MYCBP2: variants seen among roughly 807,000 people sequenced by gnomAD.
MYCBP2 encodes MYC binding protein 2.
A neutral mutation model predicts 525.3 loss-of-function variants in MYCBP2; 120 were observed. The observed-to-expected ratio is 0.23, with a 90% CI of 0.20 to 0.27. MYCBP2 has a LOEUF of 0.27. Ranked by LOEUF, MYCBP2 falls within the 10% of genes least tolerant of loss-of-function variation. The pLI is 1.00. For synonymous variants in MYCBP2, 1,894 were observed against 1,955.8 expected, an observed-to-expected ratio of 0.97 and a Z score of 0.83; for missense variants, 4,149 against 5,657.1, an observed-to-expected ratio of 0.73 and a Z score of 8.55.
intron 12 of MYCBP2, among the ~76,000 whole-genome samples, chr13:77,260,878 C>T (rs77548353): frequency 0.013 from 1,947 of 152,162 alleles, 37 homozygotes; most frequent in African/African-American, 0.044. Flanking sequence ...CCTGGAGGGC[C>T]CAATCTCTAA....
intron 37 of MYCBP2, among the ~76,000 whole-genome samples, chr13:77,172,984 A>G (rs1259231140): frequency 6.6e-6 from 1 of 152,182 alleles, no homozygotes; most frequent in Non-Finnish European, 1.5e-5. Flanking sequence ...TGTGAGGACA[A>G]GGTGAAATAA....
chr13:77,315,686 G>C (rs572773631), intron 1 of MYCBP2, among the ~76,000 whole-genome samples: 1 of 152,182 alleles, frequency 6.6e-6, no homozygotes, highest in African/African-American at 2.4e-5. Context: ...CCTGAGGTCA[G>C]CAGTTCAAGA....
At chr13:77,315,222 A>C (rs930280877) in intron 1 of MYCBP2, among the ~76,000 whole-genome samples, 1 of 152,224 alleles carries the variant, frequency 6.6e-6, no homozygotes, top group Admixed American at 6.5e-5. Flanking sequence ...TTCAAGAAGA[A>C]ATAACAACAA....
At chr13:77,279,356 T>C (rs1185698925) in intron 3 of MYCBP2, among the ~76,000 whole-genome samples, 1 of 152,168 alleles carries the variant, frequency 6.6e-6, no homozygotes, top group Admixed American at 6.5e-5. Context: ...GCTAAAAATA[T>C]CACTGGTACT....
intron 14 of MYCBP2, among the ~76,000 whole-genome samples, chr13:77,252,561 G>C (rs1352591285): frequency 2.6e-5 from 4 of 152,114 alleles, no homozygotes; most frequent in Admixed American, 6.6e-5. Context: ...TTTCCTAAAG[G>C]ATCTAAGTTA....
At chr13:77,161,079 C>T (rs1269409770) in intron 44 of MYCBP2, among the ~76,000 whole-genome samples, 1 of 152,180 alleles carries the variant, frequency 6.6e-6, no homozygotes. Flanking sequence ...CACTGATGTT[C>T]TCAGTGTGTG....
chr13:77,291,613 C>A (rs375661939), intron 2 of MYCBP2, among the ~76,000 whole-genome samples: 1 of 152,058 alleles, frequency 6.6e-6, no homozygotes, highest in Admixed American at 6.6e-5. Context: ...ACTAAAAATA[C>A]AAAATTAGCC....
chr13:77,152,559 CT>C (rs1429646000), intron 46 of MYCBP2, among the ~76,000 whole-genome samples: 1 of 152,156 alleles, frequency 6.6e-6, no homozygotes, highest in Non-Finnish European at 1.5e-5. Flanking sequence ...CCCTATGCCC[CT>C]ATAAATCCCA....
At chr13:77,276,421 G>A (rs1236297460) in intron 4 of MYCBP2, among the ~76,000 whole-genome samples, 2 of 152,010 alleles carry the variant, frequency 1.3e-5, no homozygotes, top group African/African-American at 2.4e-5. Flanking sequence ...AAGAAATTTA[G>A]TATAAAAGAA....
chr13:77,177,826 A>G lies in MYCBP2; in HGVS notation c.5262T>C (p.Pro1754=). 5.0e-6 allele frequency: 8 copies of G among 1,614,056 alleles called. No homozygotes were observed. The highest frequency in any genetic ancestry group is 6.8e-6 in the Non-Finnish European group (8 of 1,179,926). ...CAGAGAAACCAACCACAACTATTCC[A>G]GGTTTGTCTACTGAAAAACAGATTG... The part of the protein sequence containing the change: ...PDAICFSVDK[P]GIVVVGFSVY... Residue 1754 remains proline, a synonymous_variant, in exon 35 of 83, where the codon CCT becomes CCC. Coordinates refer to ENST00000544440, the MANE Select transcript of MYCBP2 (RefSeq NM_015057.5).
intron 66 of MYCBP2, 101 bp from the exon 67 acceptor site, chr13:77,077,488 T>C (rs938410145): frequency 6.5e-6 from 9 of 1,379,930 alleles, no homozygotes; most frequent in African/African-American, 2.9e-5. Flanking sequence ...TAACAAAGAA[T>C]TGCACAGAGT....
At chr13:77,091,169 C>G (rs2045351642) in intron 59 of MYCBP2, among the ~76,000 whole-genome samples, 1 of 152,030 alleles carries the variant, frequency 6.6e-6, no homozygotes, top group Non-Finnish European at 1.5e-5. Flanking sequence ...TAGGTGTTTT[C>G]TTTACTCACC....
intron 82 of MYCBP2, among the ~76,000 whole-genome samples, chr13:77,050,651 TA>T (rs58763547): frequency 0.046 from 6,545 of 143,630 alleles, 146 homozygotes; most frequent in East Asian, 0.098. Flanking sequence ...CAGGCTTCGT[TA>T]AAAAAAAAAA....
chr13:77,130,276 C>G (rs1049093921), intron 52 of MYCBP2, among the ~76,000 whole-genome samples: 2 of 151,480 alleles, frequency 1.3e-5, no homozygotes, highest in Non-Finnish European at 3.0e-5. Context: ...AATTCCTTAT[C>G]AATTATAAGT....
intron 1 of MYCBP2, among the ~76,000 whole-genome samples, chr13:77,322,025 T>C (rs2081714522): frequency 6.6e-6 from 1 of 152,086 alleles, no homozygotes; most frequent in Non-Finnish European, 1.5e-5. Context: ...CCAGGCATGG[T>C]GGTGCATGCC....
At chr13:77,102,722 T>G (rs1312197384) in intron 55 of MYCBP2, among the ~76,000 whole-genome samples, 1 of 151,670 alleles carries the variant, frequency 6.6e-6, no homozygotes, top group African/African-American at 2.4e-5. Flanking sequence ...AATAGACACA[T>G]GAGTCCTAAT....
chr13:77,185,404 A>C, intron 31 of MYCBP2, 27 bp from the exon 32 acceptor site: 4 of 1,588,576 alleles, frequency 2.5e-6, no homozygotes, highest in Non-Finnish European at 3.4e-6. Flanking sequence ...GCAGATTGGT[A>C]ATTAAGCAAA....
intron 8 of MYCBP2, among the ~76,000 whole-genome samples, chr13:77,266,018 A>G (rs2074016489): frequency 6.6e-6 from 1 of 152,346 alleles, no homozygotes; most frequent in South Asian, 2.1e-4. Context: ...GTTGCATTTC[A>G]CAAGTTAAAC....
chr13:77,248,578 C>T (rs948493802), intron 15 of MYCBP2, among the ~76,000 whole-genome samples: 3 of 152,166 alleles, frequency 2.0e-5, no homozygotes, highest in East Asian at 1.9e-4. Context: ...TACTATCTCA[C>T]ACCCATTAGG....
Sources: gnomAD v4.1 joint callset for allele counts (sites outside exome capture counted in the v4.1 genomes callset) on GRCh38, gnomAD v4.1.1 for gene constraint, MANE v1.5 for transcripts, NCBI Gene and HGNC (gene_info 2026-07-23, HGNC 2026-07-21) for gene names.